UBXN11: variants seen among roughly 807,000 people sequenced by gnomAD.
The protein encoded by UBXN11 is UBX domain protein 11.
UBXN11 carries 47 observed loss-of-function variants against 62.8 expected under a neutral mutation model. The observed-to-expected ratio is 0.75, with a 90% confidence interval of 0.59 to 0.95. The LOEUF is 0.95. Among genes scored for constraint, UBXN11 ranks in the 40% least tolerant of loss-of-function variants. UBXN11 has a pLI of 0.00. For synonymous variants in UBXN11, 294 were observed against 267.0 expected (o/e 1.10, Z -0.99); for missense variants, 638 against 661.7 (o/e 0.96, Z 0.39).
At chr1:26,290,940 C>T (rs991788096) in intron 8 of UBXN11, among the ~76,000 whole-genome samples, 16 of 152,230 alleles carry the variant, frequency 1.1e-4, no homozygotes, top group African/African-American at 3.9e-4. Context: ...CAGGACTGTC[C>T]CTTTCATGTC....
At chr1:26,313,051 G>A (rs2073759792) in intron 1 of UBXN11, among the ~76,000 whole-genome samples, 1 of 150,202 alleles carries the variant, frequency 6.7e-6, no homozygotes. Flanking sequence ...GCGTGGATAG[G>A]TGAATGAATG....
upstream of UBXN11, chr1:26,306,749 A>G (rs1323890029): frequency 7.1e-6 from 1 of 141,230 alleles, no homozygotes; most frequent in Non-Finnish European, 1.5e-5. Context: ...CTCGGATTCT[A>G]TTGGCCCACA....
rs34193565 is a variant in UBXN11, at chr1:26,315,960, C to CTTTTTTT, written c.-149+2080_-149+2086dup. ...CAGGCGTGAGCCACTGTTTCCTGGC[C>CTTTTTTT]TTTTTTTTTTTTTTTTTGAGACAGG... On this transcript the variant is annotated intron_variant, in intron 1 of 14. Coordinates refer to the UBXN11 transcript ENST00000374217. 1.0e-4 allele frequency among the ~76,000 whole-genome samples: 12 copies of CTTTTTTT among 114,510 alleles called. 1 individual carries two copies. The highest frequency in any genetic ancestry group is 1.4e-4 in the African/African-American group (4 of 29,370). 75.1% of individuals were successfully genotyped at this position (114,510 alleles called of 152,430 possible). A position where few individuals can be genotyped will look rare whatever the true frequency, so the allele number is the denominator to read the frequency against.
intron 8 of UBXN11, among the ~76,000 whole-genome samples, chr1:26,293,391 G>A (rs2073316173): frequency 2.0e-5 from 3 of 152,152 alleles, no homozygotes; most frequent in Middle Eastern, 6.8e-3. Flanking sequence ...GTCTATAGGA[G>A]GGGACTGTGG....
At chr1:26,314,480 TA>T (rs2073772297) in intron 1 of UBXN11, among the ~76,000 whole-genome samples, 1 of 152,220 alleles carries the variant, frequency 6.6e-6, no homozygotes, top group African/African-American at 2.4e-5. Flanking sequence ...CAGCTCCATA[TA>T]AAGGGCTTGC....
At chr1:26,300,565 CAG>C (rs1226258221) in intron 4 of UBXN11, among the ~76,000 whole-genome samples, 2 of 152,304 alleles carry the variant, frequency 1.3e-5, no homozygotes, top group East Asian at 3.9e-4. Flanking sequence ...CCAAGCTAAG[CAG>C]ACTGTCTAGG....
chr1:26,297,312 A>T, intron 6 of UBXN11, 115 bp downstream of exon 6: 1 of 1,264,532 alleles, frequency 7.9e-7, no homozygotes, highest in Non-Finnish European at 1.1e-6. Context: ...AGACCCCACC[A>T]AGTAGTCAGC....
At position 26,285,468 on chromosome 1, in the gene UBXN11, A is replaced by C. The variant is rs757103773; in HGVS notation, c.848T>G (p.Phe283Cys). 1.9e-6 allele frequency: 3 copies of C among 1,611,442 alleles called. No homozygotes were observed. In the South Asian group the frequency reaches 3.3e-5, roughly 18 times the overall value. The change falls in exon 10 of 15, where the codon TTT becomes TGT. Residue 283 changes from phenylalanine (F) to cysteine (C), a missense_variant. Physicochemically the swap from Phe to Cys is radical, Grantham distance 205. Transcript: ENST00000374222. ...GTTTGAGGAGCAGCTTATCACCTTA[A>C]AGGGGACCCCATTGGGGTACAGTCG... The part of the protein sequence containing the change: ...LQRLYPNGVP[F>C]KVSDLRNQVY...
intron 8 of UBXN11, 74 bp from the exon 9 acceptor site, chr1:26,286,111 C>G: frequency 7.2e-7 from 1 of 1,386,962 alleles, no homozygotes; most frequent in Admixed American, 2.5e-5. Context: ...CTCTGTGGCT[C>G]CCTCCCAAGC....
chr1:26,313,871 TC>T (rs1258320088), intron 1 of UBXN11, among the ~76,000 whole-genome samples: 1 of 151,134 alleles, frequency 6.6e-6, no homozygotes, highest in East Asian at 1.9e-4. Context: ...AGCTCTGCCT[TC>T]CAGGTTCATG....
At chr1:26,283,089 G>T in intron 12 of UBXN11, 152 bp from the exon 13 acceptor site, 1 of 977,100 alleles carries the variant, frequency 1.0e-6, no homozygotes, top group Non-Finnish European at 1.5e-6. Context: ...CCAGAGGAGA[G>T]GCAATGGAAG....
At chr1:26,289,971 GC>G (rs2073221030) in intron 8 of UBXN11, among the ~76,000 whole-genome samples, 1 of 152,204 alleles carries the variant, frequency 6.6e-6, no homozygotes, top group Non-Finnish European at 1.5e-5. Context: ...AGGAAAGGAG[GC>G]CCTGCAGGTC....
At chr1:26,307,279 T>C (rs1016137556), upstream of UBXN11, among the ~76,000 whole-genome samples, 1 of 152,168 alleles carries the variant, frequency 6.6e-6, no homozygotes, top group African/African-American at 2.4e-5. Flanking sequence ...GACCACGAAC[T>C]TTGGAATTAG....
intron 13 of UBXN11, 22 bp downstream of exon 13, chr1:26,282,842 C>T: frequency 6.2e-7 from 1 of 1,613,624 alleles, no homozygotes; most frequent in Non-Finnish European, 8.5e-7. Flanking sequence ...CCCAGGCCCT[C>T]ACCTCCTCAT....
At chr1:26,296,038 G>T (rs1321770081) in intron 7 of UBXN11, among the ~76,000 whole-genome samples, 6 of 152,256 alleles carry the variant, frequency 3.9e-5, no homozygotes, top group Admixed American at 3.3e-4. Context: ...GCAATTGGAG[G>T]TTTGCTGCCA....
chr1:26,297,980 A>C lies in UBXN11; in HGVS notation c.282T>G (p.Thr94=). The part of the protein sequence containing the change: ...WDLEQQVKAQ[T]DEILSKDQKI... The stretch of plus-strand genomic sequence containing the variant: ...GCCCCACCTTGGACAGTATCTCATC[A>C]GTCTGGGCCTTCACCTGCTGCTCCA... The change falls in exon 5 of 15, where the codon ACT becomes ACG. Residue 94 remains threonine (T), a synonymous_variant. Transcript: ENST00000374222. The C allele has an allele frequency of 6.2e-7, 1 of 1,613,886 alleles. No homozygotes were observed. Among genetic ancestry groups the C allele is most frequent in the Non-Finnish European group, 8.5e-7 (1 of 1,179,928 alleles).
chr1:26,296,832 TG>T lies in UBXN11; in HGVS notation c.432+86del. The T allele has an allele frequency of 5.0e-6, 7 of 1,391,910 alleles. No homozygotes were observed. In the South Asian group the frequency reaches 9.2e-5, roughly 18 times the overall value. 86.2% of individuals were successfully genotyped at this position (1,391,910 alleles called of 1,614,324 possible). ...TGTGACGAGGAGAGGCCCAGAGAGGTGGGCTCGGACCCAGCTCCTGAGGAAC... is the reference window on the plus strand; with the variant it reads ...TGTGACGAGGAGAGGCCCAGAGAGGTGGCTCGGACCCAGCTCCTGAGGAAC... On this transcript the variant is annotated intron_variant, in intron 7 of 14. Transcript: ENST00000374222.
In UBXN11 at chr1:26,282,319, GT is replaced by G; in HGVS notation, c.1542del (p.Ser516ValfsTer?). 1 of 1,458,254 alleles carries G rather than the reference GT, an allele frequency of 6.9e-7. No homozygotes were observed. The highest frequency in any genetic ancestry group is 1.4e-5 in the South Asian group (1 of 73,038). 90.3% of individuals were successfully genotyped at this position (1,458,254 alleles called of 1,614,324 possible). ...GPGPGPSPCPGPSPSPQ is the reference protein window; with the variant it reads ...GPGPGPSPCPXPSPSPQ ...GTGCTTTATTGGGGGCTGGGACTGG[GT>G]CCAGGACAGGGACTGGGGCCGGGAC... On this transcript the variant is annotated frameshift_variant, in exon 15 of 15. Transcript: ENST00000374222. LOFTEE classifies it high-confidence loss of function.
intron 1 of UBXN11, among the ~76,000 whole-genome samples, chr1:26,313,819 C>CGCCCAGGCTGGAGTGCAGTG (rs2073766377): frequency 6.9e-6 from 1 of 145,600 alleles, no homozygotes; most frequent in African/African-American, 2.6e-5. Context: ...CTTGCTCCAT[C>CGCCCAGGCTGGAGTGCAGTG]GCCCAGGCTG....
Sources: gnomAD v4.1 joint callset for allele counts (sites outside exome capture counted in the v4.1 genomes callset) on GRCh38, gnomAD v4.1.1 for gene constraint, MANE v1.5 for transcripts, NCBI Gene and HGNC (gene_info 2026-07-23, HGNC 2026-07-21) for gene names.